The following BMP2K variants were observed in gnomAD, a reference collection of about 807,000 sequenced individuals.
BMP2K encodes BMP-2-inducible protein kinase.
BMP2K carries 74 observed loss-of-function variants against 116.0 expected under a neutral mutation model. That is an observed-to-expected ratio of 0.64 (90% confidence interval 0.53 to 0.77). BMP2K has a LOEUF of 0.77. Among genes scored for constraint, BMP2K ranks in the 30% least tolerant of loss-of-function variants. The pLI is 0.00. For synonymous variants in BMP2K, 486 were observed against 502.5 expected (o/e 0.97, Z 0.44); for missense variants, 1,365 against 1,403.6 (o/e 0.97, Z 0.44).
intron 2 of BMP2K, among the ~76,000 whole-genome samples, chr4:78,831,498 C>T (rs1182287827): frequency 6.6e-6 from 1 of 152,182 alleles, no homozygotes; most frequent in African/African-American, 2.4e-5. Flanking sequence ...AAATGAGGTA[C>T]ACCTTTGCTA....
intron 14 of BMP2K, among the ~76,000 whole-genome samples, chr4:78,883,357 C>G (rs1415993543): frequency 2.6e-5 from 4 of 151,924 alleles, no homozygotes; most frequent in African/African-American, 7.3e-5. Flanking sequence ...GTGTATATTT[C>G]TTTTGTATTT....
chr4:78,872,078 G>T (rs1405353420), intron 12 of BMP2K, 130 bp downstream of exon 12: 1 of 689,802 alleles, frequency 1.4e-6, no homozygotes, highest in African/African-American at 1.9e-5. Context: ...TTTTATCAAA[G>T]CCAGTCATAT....
At position 78,902,435 on chromosome 4, in the gene BMP2K, A is replaced by G. The variant is rs147310250; in HGVS notation, c.2063-8175A>G. On this transcript the variant is annotated intron_variant, in intron 15 of 15. Coordinates refer to ENST00000502613, the MANE Select transcript of BMP2K (RefSeq NM_198892.2). ...TCACTTGGCCTGCCTTCTGAGAAGC[A>G]GTACAGATTTGATAAAACCTTCTCC... 1.5e-3 allele frequency among the ~76,000 whole-genome samples: 228 copies of G among 151,532 alleles called. 9 individuals are homozygous for G. The highest frequency in any genetic ancestry group is 0.01 in the Admixed American group (154 of 15,272).
At position 78,838,648 on chromosome 4, in the gene BMP2K, A is replaced by G. The variant is rs77315690; in HGVS notation, c.404-3737A>G. ...CTGCATTACATAAAATTGTTTAACA[A>G]TTAAGGTATTTTAGTAAGGGAACCT... On this transcript the variant is annotated intron_variant, in intron 3 of 15. Coordinates refer to ENST00000502613, the MANE Select transcript of BMP2K (RefSeq NM_198892.2). Among the ~76,000 whole-genome samples the G allele has an allele frequency of 6.5e-3, 994 of 152,320 alleles. 33 individuals are homozygous for G. Among genetic ancestry groups the G allele is most frequent in the East Asian group, 0.045 (235 of 5,188 alleles).
chr4:78,817,529 A>C (rs1271174233), intron 1 of BMP2K, among the ~76,000 whole-genome samples: 1 of 152,202 alleles, frequency 6.6e-6, no homozygotes, highest in African/African-American at 2.4e-5. Context: ...AAGGGTGCTG[A>C]GTGCAGAAGT....
rs1229425213 is a variant in BMP2K, at chr4:78,915,776, A to G, written c.*3743A>G. 6.6e-6 allele frequency: 1 copy of G among 151,988 alleles called. No homozygotes were observed. The highest frequency in any genetic ancestry group is 1.5e-5 in the Non-Finnish European group (1 of 67,902). The allele number at this position is 151,988 out of a possible 1,614,324, so 9.4% of individuals were successfully genotyped here. ...AGCTACTAAGAGAATAAGGTAGATG[A>G]TAATGCAAAGGGTCATGATTTGGGG... On this transcript the variant is annotated 3_prime_UTR_variant, in exon 16 of 16. Transcript: ENST00000502613.
At chr4:78,893,072 G>T (rs1733526908) in intron 15 of BMP2K, among the ~76,000 whole-genome samples, 1 of 152,192 alleles carries the variant, frequency 6.6e-6, no homozygotes, top group Non-Finnish European at 1.5e-5. Flanking sequence ...ATCCACAGTA[G>T]AACTTCTTCC....
chr4:78,905,920 T>C (rs1424088963), intron 15 of BMP2K, among the ~76,000 whole-genome samples: 1 of 152,034 alleles, frequency 6.6e-6, no homozygotes, highest in Non-Finnish European at 1.5e-5. Context: ...CATTGTATAG[T>C]TATAACCAAC....
Position 78,795,125 on chromosome 4 carries a change from A to T in BMP2K, c.178+18404A>T, listed in dbSNP as rs3775521. Among the ~76,000 whole-genome samples the T allele has an allele frequency of 4.2e-4, 64 of 152,370 alleles. 1 individual carries two copies. The East Asian group carries it at 0.011, about 25-fold the overall frequency. On this transcript the variant is annotated intron_variant, in intron 1 of 15. Transcript: ENST00000502613. ...AAGGTATTCCAAACATAATTTCTTCATTATAACCCTTTGTACTTCAGTTAT... is the reference window on the plus strand; with the variant it reads ...AAGGTATTCCAAACATAATTTCTTCTTTATAACCCTTTGTACTTCAGTTAT...
At chr4:78,885,713 T>A (rs1461990943) in intron 14 of BMP2K, among the ~76,000 whole-genome samples, 1 of 152,138 alleles carries the variant, frequency 6.6e-6, no homozygotes, top group Non-Finnish European at 1.5e-5. Context: ...GGACCAAAGG[T>A]CTGCTGGTAG....
chr4:78,845,900 C>T (rs907150821), intron 5 of BMP2K, among the ~76,000 whole-genome samples: 1 of 151,594 alleles, frequency 6.6e-6, no homozygotes, highest in African/African-American at 2.4e-5. Context: ...ACGCTACATA[C>T]TACTACTCAG....
chr4:78,809,763 C>CT (rs1006553178), intron 1 of BMP2K, among the ~76,000 whole-genome samples: 1 of 150,992 alleles, frequency 6.6e-6, no homozygotes, highest in Non-Finnish European at 1.5e-5. Flanking sequence ...TCATACCTTA[C>CT]TTTAGTTCTT....
chr4:78,824,919 C>T (rs1729795195), intron 1 of BMP2K, among the ~76,000 whole-genome samples: 1 of 151,998 alleles, frequency 6.6e-6, no homozygotes, highest in South Asian at 2.1e-4. Flanking sequence ...ACAGAATTCC[C>T]AGCCAGGCAC....
At chr4:78,792,350 G>A (rs116797018) in intron 1 of BMP2K, among the ~76,000 whole-genome samples, 4,433 of 152,296 alleles carry the variant, frequency 0.029, 208 homozygotes, top group African/African-American at 0.1. Flanking sequence ...AAGCAGTATC[G>A]TGTAATTGAG....
At chr4:78,850,196 T>A (rs1000236413) in intron 6 of BMP2K, among the ~76,000 whole-genome samples, 4 of 151,832 alleles carry the variant, frequency 2.6e-5, no homozygotes, top group African/African-American at 9.7e-5. Context: ...GCACCTTAGC[T>A]AGAAATTTCC....
intron 10 of BMP2K, among the ~76,000 whole-genome samples, chr4:78,868,462 C>T (rs1389845785): frequency 6.6e-6 from 1 of 152,032 alleles, no homozygotes; most frequent in Non-Finnish European, 1.5e-5. Context: ...TACCCCTGAC[C>T]CCTCCAAATC....
intron 1 of BMP2K, among the ~76,000 whole-genome samples, chr4:78,784,956 A>G (rs939684236): frequency 2.0e-5 from 3 of 152,344 alleles, no homozygotes; most frequent in Middle Eastern, 3.4e-3. Context: ...AATGAGGAGC[A>G]TGGGACAGGG....
At position 78,851,003 on chromosome 4, in the gene BMP2K, A is replaced by G. The variant is rs762908263; in HGVS notation, c.830A>G (p.Asn277Ser). 2 of 1,612,104 alleles carry G rather than the reference A, an allele frequency of 1.2e-6. No individual in the cohort carries two copies. Among genetic ancestry groups the G allele is most frequent in the Non-Finnish European group, 1.7e-6 (2 of 1,178,846 alleles). The change falls in exon 7 of 16, where the codon AAC becomes AGC. Residue 277 changes from asparagine to serine, a missense_variant. Coordinates refer to ENST00000502613, the MANE Select transcript of BMP2K (RefSeq NM_198892.2). ...GESQVAICDG[N>S]FTIPDNSRYS... ...AGTCAGGTTGCTATCTGTGATGGCA[A>G]CTTCACCATCCCAGACAATTCTCGT...
chr4:78,805,568 C>A (rs1266324060), intron 1 of BMP2K, among the ~76,000 whole-genome samples: 1 of 152,142 alleles, frequency 6.6e-6, no homozygotes, highest in Non-Finnish European at 1.5e-5. Flanking sequence ...TTTCAGCATA[C>A]AAATTTTTAT....
Sources: gnomAD v4.1 joint callset for allele counts (sites outside exome capture counted in the v4.1 genomes callset) on GRCh38, gnomAD v4.1.1 for gene constraint, MANE v1.5 for transcripts, NCBI Gene and HGNC (gene_info 2026-07-23, HGNC 2026-07-21) for gene names.